Variants in CPXM2 observed in about 807,000 individuals in gnomAD.
CPXM2 encodes the protein carboxypeptidase X, M14 family member 2.
CPXM2 carries 66 observed loss-of-function variants against 86.1 expected under a neutral mutation model. That is an observed-to-expected ratio of 0.77 (90% CI 0.63 to 0.94). The LOEUF (loss-of-function observed/expected upper bound fraction) is 0.94, where lower values mean the gene tolerates loss of function less well. Among genes scored for constraint, CPXM2 ranks in the 40% least tolerant of loss-of-function variants. The probability of loss-of-function intolerance (pLI) is 0.00; values close to 1 mark genes in which losing one functional copy is unlikely to be tolerated. For synonymous variants in CPXM2, 388 were observed against 400.2 expected, an observed-to-expected ratio of 0.97 and a Z score of 0.36; for missense variants, 948 against 1,026.3, an observed-to-expected ratio of 0.92 and a Z score of 1.04.
chr10:123,804,816 T>A (rs1438334679), intron 4 of CPXM2, among the ~76,000 whole-genome samples: 2 of 152,210 alleles, frequency 1.3e-5, no homozygotes, highest in African/African-American at 4.8e-5. Context: ...ATGCTTCCTG[T>A]AGGACTTTTT....
intron 2 of CPXM2, among the ~76,000 whole-genome samples, chr10:123,927,346 C>G (rs777198197): frequency 2.0e-5 from 3 of 152,216 alleles, no homozygotes; most frequent in Non-Finnish European, 4.4e-5. Context: ...ATAATAGTAC[C>G]TGCCTCATTG....
intron 3 of CPXM2, among the ~76,000 whole-genome samples, chr10:123,845,266 C>G (rs1374708695): frequency 1.3e-5 from 2 of 151,782 alleles, no homozygotes; most frequent in East Asian, 1.9e-4. Flanking sequence ...GTGACATGTT[C>G]CAGCTCCTTC....
chr10:123,874,016 C>T (rs1185728483), intron 2 of CPXM2, among the ~76,000 whole-genome samples: 9 of 151,860 alleles, frequency 5.9e-5, no homozygotes, highest in African/African-American at 1.2e-4. Context: ...TGCATCACCA[C>T]GCCAGGGTAA....
At chr10:123,939,554 G>C (rs1456716264) in intron 1 of CPXM2, 2 of 152,238 alleles carry the variant, frequency 1.3e-5, no homozygotes, top group East Asian at 1.9e-4. Flanking sequence ...GGAGAGAAAG[G>C]CACACGCCCT....
intron 2 of CPXM2, among the ~76,000 whole-genome samples, chr10:123,935,287 A>G (rs1181553168): frequency 2.0e-5 from 3 of 152,180 alleles, no homozygotes; most frequent in African/African-American, 4.8e-5. Flanking sequence ...CTGCACTTTC[A>G]ATGAATAAAA....
intron 13 of CPXM2, chr10:123,750,519 C>T (rs1337946294): frequency 1.0e-6 from 1 of 985,260 alleles, no homozygotes; most frequent in East Asian, 1.1e-4. Flanking sequence ...GCTTTCCCAC[C>T]TATTTGTAAA....
At chr10:123,838,128 G>A (rs1848315149) in intron 4 of CPXM2, among the ~76,000 whole-genome samples, 1 of 152,194 alleles carries the variant, frequency 6.6e-6, no homozygotes, top group Admixed American at 6.5e-5. Flanking sequence ...CATCCAGAGA[G>A]CATCAGAAAC....
chr10:123,877,396 C>A (rs1234167725), intron 2 of CPXM2, among the ~76,000 whole-genome samples: 1 of 152,182 alleles, frequency 6.6e-6, no homozygotes, highest in Non-Finnish European at 1.5e-5. Context: ...GCACACAATT[C>A]GCATTTACTT....
intron 8 of CPXM2, among the ~76,000 whole-genome samples, chr10:123,769,225 G>A (rs1846567673): frequency 6.6e-6 from 1 of 152,094 alleles, no homozygotes; most frequent in Non-Finnish European, 1.5e-5. Flanking sequence ...AAATCTCAGG[G>A]TGCTATGGTT....
chr10:123,762,125 G>T lies in CPXM2; in HGVS notation c.1524C>A (p.Ile508=), dbSNP rs1460990901. ...GCAGGTTGCCGCCCAGCACAAAAGGGATTTTTTCCATCCAGGCTATGACTG... is the reference window on the plus strand; with the variant it reads ...GCAGGTTGCCGCCCAGCACAAAAGGTATTTTTTCCATCCAGGCTATGACTG... ...TRAVIAWMEK[I]PFVLGGNLQG... Residue 508 remains isoleucine (I), a synonymous_variant, in exon 11 of 14, where the codon ATC becomes ATA. Transcript: ENST00000241305. The T allele has an allele frequency of 6.2e-7, 1 of 1,614,140 alleles. No homozygotes were observed. Among genetic ancestry groups the T allele is most frequent in the East Asian group, 2.2e-5 (1 of 44,876 alleles).
intron 4 of CPXM2, among the ~76,000 whole-genome samples, chr10:123,805,521 T>C (rs1738975122): frequency 6.6e-6 from 1 of 152,188 alleles, no homozygotes; most frequent in African/African-American, 2.4e-5. Context: ...TACTTTTTTA[T>C]TACCGATTCC....
intron 10 of CPXM2, among the ~76,000 whole-genome samples, chr10:123,765,422 C>A (rs1193970241): frequency 6.6e-6 from 1 of 152,172 alleles, no homozygotes; most frequent in South Asian, 2.1e-4. Context: ...AGACTCTGTA[C>A]AGTTGTGCTA....
intron 13 of CPXM2, chr10:123,751,638 T>C: frequency 1.0e-6 from 1 of 985,362 alleles, no homozygotes; most frequent in Non-Finnish European, 1.2e-6. Context: ...ACTCAAAGCA[T>C]TCCTACCAGC....
intron 2 of CPXM2, among the ~76,000 whole-genome samples, chr10:123,904,912 A>ATCTGCCTCCTGTGACCTCCCCTC (rs1184917723): frequency 1.5e-5 from 2 of 131,660 alleles, no homozygotes; most frequent in Admixed American, 1.6e-4. Flanking sequence ...GCTCTGCATC[A>ATCTGCCTCCTGTGACCTCCCCTC]CACCTGCATC....
At chr10:123,854,284 C>T (rs1848659720) in intron 3 of CPXM2, among the ~76,000 whole-genome samples, 1 of 146,146 alleles carries the variant, frequency 6.8e-6, no homozygotes. Flanking sequence ...AGCCAGTGGT[C>T]AGGGAGATAA....
rs771729647 is a variant in CPXM2, at chr10:123,768,544, G to T, written c.1281C>A (p.Tyr427Ter). The T allele has an allele frequency of 6.2e-7, 1 of 1,613,468 alleles. No individual in the cohort carries two copies. The highest frequency in any genetic ancestry group is 8.5e-7 in the Non-Finnish European group (1 of 1,179,716). The change falls in exon 9 of 14, where the codon TAC becomes TAA. Residue 427 changes from tyrosine to a stop codon, truncating the protein, a stop_gained. Coordinates refer to ENST00000241305, the MANE Select transcript of CPXM2 (RefSeq NM_198148.3). LOFTEE classifies it high-confidence loss of function. ...HVLPSLNPDG[Y>*]EKAYEGGSEL... The stretch of plus-strand genomic sequence containing the variant: ...CCATTACCCCTTCGTAGGCCTTCTC[G>T]TAGCCATCGGGGTTGAGGGAGGGGA...
At chr10:123,790,982 G>A (rs900424387) in intron 6 of CPXM2, among the ~76,000 whole-genome samples, 1 of 152,154 alleles carries the variant, frequency 6.6e-6, no homozygotes, top group African/African-American at 2.4e-5. Flanking sequence ...ACAGAAGAGA[G>A]AATGGAAGGT....
intron 2 of CPXM2, among the ~76,000 whole-genome samples, chr10:123,921,553 A>C (rs1945579510): frequency 6.6e-6 from 1 of 152,252 alleles, no homozygotes. Context: ...AAGAGCTGGC[A>C]GCCCACCTAT....
intron 4 of CPXM2, among the ~76,000 whole-genome samples, chr10:123,822,498 T>C (rs1847949097): frequency 2.0e-5 from 3 of 151,938 alleles, no homozygotes; most frequent in Non-Finnish European, 4.4e-5. Flanking sequence ...GTGATATTGT[T>C]CAAAGGAGAA....
Sources: gnomAD v4.1 joint callset for allele counts (sites outside exome capture counted in the v4.1 genomes callset) on GRCh38, gnomAD v4.1.1 for gene constraint, MANE v1.5 for transcripts, NCBI Gene and HGNC (gene_info 2026-07-23, HGNC 2026-07-21) for gene names.